PTPRK: variants seen among roughly 807,000 people sequenced by gnomAD.
PTPRK encodes protein tyrosine phosphatase receptor type K, also known as receptor-type tyrosine-protein phosphatase kappa.
Under a neutral mutation model 178.0 loss-of-function variants are expected in PTPRK, and 75 were observed. The ratio of observed to expected loss-of-function variants is 0.42; its 90% confidence interval spans 0.35 to 0.51. PTPRK has a LOEUF of 0.51. Ranked by LOEUF, PTPRK falls within the 20% of genes least tolerant of loss-of-function variation. The probability of loss-of-function intolerance (pLI) is 0.02; values close to 1 mark genes in which losing one functional copy is unlikely to be tolerated. For missense variants in PTPRK, 1,441 were observed against 1,797.8 expected (o/e 0.80, Z 3.59); for synonymous variants, 637 against 620.6 (o/e 1.03, Z -0.39).
chr6:128,023,105 C>T (rs917973380), intron 13 of PTPRK, among the ~76,000 whole-genome samples: 1 of 152,178 alleles, frequency 6.6e-6, no homozygotes, highest in Non-Finnish European at 1.5e-5. Context: ...AAAAATGGGG[C>T]AAAAGAAGAG....
chr6:128,104,902 T>C (rs922767769), intron 7 of PTPRK, among the ~76,000 whole-genome samples: 1 of 152,176 alleles, frequency 6.6e-6, no homozygotes, highest in African/African-American at 2.4e-5. Flanking sequence ...TTGTGAAACT[T>C]TGAAATGTTC....
At chr6:128,142,515 G>A (rs962820525) in intron 7 of PTPRK, among the ~76,000 whole-genome samples, 12 of 151,686 alleles carry the variant, frequency 7.9e-5, no homozygotes, top group Non-Finnish European at 1.5e-4. Context: ...GTGTGTGTGT[G>A]TGTAAAATAT....
intron 7 of PTPRK, among the ~76,000 whole-genome samples, chr6:128,099,438 A>G (rs1039219987): frequency 6.6e-6 from 1 of 151,976 alleles, no homozygotes; most frequent in Non-Finnish European, 1.5e-5. Context: ...AATCATTACA[A>G]TTACATTATA....
intron 6 of PTPRK, among the ~76,000 whole-genome samples, chr6:128,210,455 A>T (rs1223985527): frequency 2.8e-4 from 1 of 3,590 alleles, no homozygotes; most frequent in Non-Finnish European, 5.1e-4. Context: ...ATTTTTGGGG[A>T]GGGGGGGTGG....
rs544372976 is a variant in PTPRK at position 128,376,351 on chromosome 6, C to T, written c.223+21215G>A. Among the ~76,000 whole-genome samples, 226 of 152,220 alleles carry T rather than the reference C, an allele frequency of 1.5e-3. 1 individual carries two copies. The highest frequency in any genetic ancestry group is 5.1e-3 in the African/African-American group (211 of 41,538). On this transcript the variant is annotated intron_variant, in intron 2 of 29. Coordinates refer to ENST00000368226, the MANE Select transcript of PTPRK (RefSeq NM_002844.4). Reference sequence around the variant, plus strand: ...AGGCTCAACACCATGTGGAAGATGCCAAGGTTTGGGGTTTCCACCCTGTAA... The same window carrying T: ...AGGCTCAACACCATGTGGAAGATGCTAAGGTTTGGGGTTTCCACCCTGTAA...
At chr6:128,086,516 C>T (rs1785859611) in intron 8 of PTPRK, among the ~76,000 whole-genome samples, 1 of 152,034 alleles carries the variant, frequency 6.6e-6, no homozygotes. Flanking sequence ...TTATGGATGT[C>T]CCAGAATTCT....
intron 1 of PTPRK, among the ~76,000 whole-genome samples, chr6:128,430,619 C>A (rs893465566): frequency 2.0e-5 from 3 of 152,000 alleles, no homozygotes; most frequent in African/African-American, 7.2e-5. Flanking sequence ...ATAAAACACA[C>A]ATACAAAAAT....
At chr6:128,248,581 T>C (rs1016186157) in intron 3 of PTPRK, among the ~76,000 whole-genome samples, 5 of 152,168 alleles carry the variant, frequency 3.3e-5, no homozygotes, top group African/African-American at 1.2e-4. Flanking sequence ...AGGAACCCAA[T>C]ACTGGCCAAA....
chr6:128,447,080 G>A (rs1337093789), intron 1 of PTPRK, among the ~76,000 whole-genome samples: 5 of 152,152 alleles, frequency 3.3e-5, no homozygotes, highest in South Asian at 4.1e-4. Context: ...GAGGGGGTAC[G>A]AAAATGTTTA....
chr6:128,516,750 T>C (rs998277347), intron 1 of PTPRK, among the ~76,000 whole-genome samples: 4 of 152,088 alleles, frequency 2.6e-5, no homozygotes, highest in Non-Finnish European at 5.9e-5. Flanking sequence ...CAATAGTCCC[T>C]CTCTAGGTCA....
intron 7 of PTPRK, among the ~76,000 whole-genome samples, chr6:128,169,783 ATGTGTG>A (rs10552787): frequency 0.016 from 2,392 of 145,378 alleles, 24 homozygotes; most frequent in African/African-American, 0.018. Flanking sequence ...TATTTTTTTA[ATGTGTG>A]TGTGTGTGTG....
chr6:128,091,340 T>A (rs922472675), intron 7 of PTPRK, among the ~76,000 whole-genome samples: 2 of 152,208 alleles, frequency 1.3e-5, no homozygotes, highest in African/African-American at 4.8e-5. Flanking sequence ...TCGTTTTATA[T>A]GTTTAGCTCT....
intron 2 of PTPRK, among the ~76,000 whole-genome samples, chr6:128,331,879 C>T (rs1478292139): frequency 1.3e-5 from 2 of 151,994 alleles, no homozygotes; most frequent in Non-Finnish European, 1.5e-5. Flanking sequence ...CTTCACAGTC[C>T]GAATGACAAA....
chr6:128,169,287 ATC>A (rs1296499847), intron 7 of PTPRK, among the ~76,000 whole-genome samples: 1 of 152,108 alleles, frequency 6.6e-6, no homozygotes, highest in Non-Finnish European at 1.5e-5. Context: ...TTATTTCAGC[ATC>A]TACATGTATG....
chr6:128,516,352 G>C (rs915623865), intron 1 of PTPRK, among the ~76,000 whole-genome samples: 1 of 151,832 alleles, frequency 6.6e-6, no homozygotes, highest in Admixed American at 6.6e-5. Flanking sequence ...TACATCTCAC[G>C]ACCTAGGAAA....
intron 13 of PTPRK, among the ~76,000 whole-genome samples, chr6:128,032,850 A>C (rs553366704): frequency 6.6e-6 from 1 of 152,316 alleles, no homozygotes; most frequent in African/African-American, 2.4e-5. Context: ...CGGGAATATC[A>C]GCCACGAGAA....
rs1657315086 is a variant in PTPRK at position 127,985,709 on chromosome 6, A to G, written c.3251+12T>C. On this transcript the variant is annotated intron_variant, in intron 22 of 29. Transcript: ENST00000368226. The stretch of plus-strand genomic sequence containing the variant: ...ATTGCATACAGTCAATACCATTTGG[A>G]CCACCACTTACCTGCAATGTACAAC... 1 of 1,604,758 alleles carries G rather than the reference A, an allele frequency of 6.2e-7. No individual in the cohort carries two copies. Among genetic ancestry groups the G allele is most frequent in the South Asian group, 1.1e-5 (1 of 90,360 alleles).
chr6:128,300,520 C>G (rs555301631), intron 3 of PTPRK, among the ~76,000 whole-genome samples: 1 of 152,010 alleles, frequency 6.6e-6, no homozygotes, highest in Non-Finnish European at 1.5e-5. Context: ...GGCACATATA[C>G]TATGCAGCCA....
At chr6:128,372,349 G>A (rs968983246) in intron 2 of PTPRK, among the ~76,000 whole-genome samples, 1 of 152,140 alleles carries the variant, frequency 6.6e-6, no homozygotes, top group African/African-American at 2.4e-5. Context: ...TCTGTAGAAA[G>A]GAAATGATTT....
Sources: gnomAD v4.1 joint callset for allele counts (sites outside exome capture counted in the v4.1 genomes callset) on GRCh38, gnomAD v4.1.1 for gene constraint, MANE v1.5 for transcripts, NCBI Gene and HGNC (gene_info 2026-07-23, HGNC 2026-07-21) for gene names.